PLIN4: variants seen among roughly 807,000 people sequenced by gnomAD.
The protein encoded by PLIN4 is perilipin-4.
Under a neutral mutation model 52.4 loss-of-function variants are expected in PLIN4, and 57 were observed. The observed-to-expected ratio is 1.09, with a 90% CI of 0.88 to 1.36. PLIN4 has a LOEUF of 1.36. PLIN4 is among the 40% of genes most tolerant of loss of function. The probability of loss-of-function intolerance (pLI) is 0.00; values close to 1 mark genes in which losing one functional copy is unlikely to be tolerated. For missense variants in PLIN4, 1,757 were observed against 1,770.3 expected (o/e 0.99, Z 0.13); for synonymous variants, 826 against 785.4 (o/e 1.05, Z -0.86).
Position 4,510,953 on chromosome 19 carries a change from C to G in PLIN4, c.3007G>C (p.Gly1003Arg), listed in dbSNP as rs754278167. The G allele has an allele frequency of 1.2e-6, 2 of 1,613,322 alleles. No homozygotes were observed. Among genetic ancestry groups the G allele is most frequent in the East Asian group, 4.5e-5 (2 of 44,852 alleles). Residue 1003 changes from glycine to arginine, a missense_variant, in exon 5 of 8, where the codon GGT becomes CGT. Coordinates refer to ENST00000301286, the MANE Select transcript of PLIN4 (RefSeq NM_001367868.2). ...GCCCCTTTGGCCATGCTCATGGCAC[C>G]GGTAACCCCACTGAAGACAGTGTCC... ...TKDTVFSGVT[G>R]AMSMAKGAVQ... is the part of the protein sequence containing the mutation.
intron 6 of PLIN4, among the ~76,000 whole-genome samples, chr19:4,506,197 G>T (rs1976087401): frequency 6.6e-6 from 1 of 152,134 alleles, no homozygotes; most frequent in African/African-American, 2.4e-5. Context: ...CAACTCCCTT[G>T]GGGTCGAAGC....
At position 4,513,604 on chromosome 19, in the gene PLIN4, C is replaced by T. The variant is rs1976503382; in HGVS notation, c.356G>A (p.Gly119Glu). Residue 119 changes from glycine to glutamate, a missense_variant, in exon 5 of 8, where the codon GGA (glycine) becomes GAA (glutamate). Physicochemically the swap from Gly to Glu is moderately conservative, Grantham distance 98. Transcript: ENST00000301286. ...GGTGTCCAGGCCTCCCTGGACCACTCCCTTAGCCACGTCCACCACGCTGGC... is the reference window on the plus strand; with the variant it reads ...GGTGTCCAGGCCTCCCTGGACCACTTCCTTAGCCACGTCCACCACGCTGGC... ...GVASVVDVAK[G>E]VVQGGLDTTR... 3 of 1,606,324 alleles carry T rather than the reference C, an allele frequency of 1.9e-6. No homozygotes were observed. The South Asian group carries it at 3.3e-5, about 18-fold the overall frequency.
chr19:4,503,507 G>A lies in PLIN4; in HGVS notation c.*952C>T, dbSNP rs1975990438. On this transcript the variant is annotated 3_prime_UTR_variant, in exon 8 of 8. Transcript: ENST00000301286. ...GTGGGCCTGAGGACCCAGGGGGAGT[G>A]TGCGGCGGAGGAAGGGCTGTGCCAT... 2 of 152,564 alleles carry A rather than the reference G, an allele frequency of 1.3e-5. No individual in the cohort carries two copies. The highest frequency in any genetic ancestry group is 1.3e-4 in the Admixed American group (2 of 15,290). The allele number at this position is 152,564 out of a possible 1,614,324, so 9.5% of individuals were successfully genotyped here. A position where few individuals can be genotyped will look rare whatever the true frequency, so the allele number is the denominator to read the frequency against.
At chr19:4,506,526 C>T (rs1331728450) in intron 6 of PLIN4, among the ~76,000 whole-genome samples, 3 of 152,130 alleles carry the variant, frequency 2.0e-5, no homozygotes, top group Non-Finnish European at 4.4e-5. Context: ...AACCATGGCG[C>T]CCCCCACCCC....
In PLIN4 at chr19:4,511,928, CCA is replaced by C. The variant is rs1167944661; in HGVS notation, c.2030_2031del (p.Val677GlyfsTer86). 2 of 1,598,442 alleles carry C rather than the reference CCA, an allele frequency of 1.3e-6. No individual in the cohort carries two copies. Among genetic ancestry groups the C allele is most frequent in the Non-Finnish European group, 1.7e-6 (2 of 1,169,358 alleles). ...ACACCTGTCTGGGCAGCCCCTTTGG[CCA>C]CATTCACAGCACTGGTCACCCCACT... Reference protein sequence around the residue: ...FGSGVTSAVNVAKGAAQTGVD... With the variant: ...FGSGVTSAVNXAKGAAQTGVD... On this transcript the variant is annotated frameshift_variant, in exon 5 of 8. Transcript: ENST00000301286. LOFTEE classifies it high-confidence loss of function.
chr19:4,508,044 C>T (rs1420966358), intron 6 of PLIN4, among the ~76,000 whole-genome samples: 2 of 152,148 alleles, frequency 1.3e-5, no homozygotes, highest in Non-Finnish European at 2.9e-5. Flanking sequence ...TCCCTGGATC[C>T]CATCCTGGCT....
At chr19:4,517,743 G>T in intron 2 of PLIN4, 45 bp from the exon 3 acceptor site, 1 of 1,545,280 alleles carries the variant, frequency 6.5e-7, no homozygotes, top group South Asian at 1.2e-5. Context: ...GCCAAGCCTC[G>T]GCAGGAACGG....
chr19:4,508,533 C>CT (rs1182620553), intron 6 of PLIN4, among the ~76,000 whole-genome samples: 17 of 152,216 alleles, frequency 1.1e-4, no homozygotes, highest in African/African-American at 3.9e-4. Context: ...TCCCAAATTG[C>CT]TGGGGTTACA....
chr19:4,517,552 A>T lies in PLIN4; in HGVS notation c.196+2T>A, dbSNP rs1171769793. ...ACGCCCCCAGCTGGGCCAGCCACTC[A>T]CCCTGAGCCTGTGGTTGGGCAGCCT... On this transcript the variant is annotated splice_donor_variant, in intron 3 of 7. Coordinates refer to ENST00000301286, the MANE Select transcript of PLIN4 (RefSeq NM_001367868.2). LOFTEE classifies it high-confidence loss of function. The T allele has an allele frequency of 1.2e-6, 2 of 1,604,286 alleles. No individual in the cohort carries two copies. Among genetic ancestry groups the T allele is most frequent in the African/African-American group, 2.7e-5 (2 of 74,686 alleles).
chr19:4,509,689 C>G (rs1271017320), intron 5 of PLIN4, among the ~76,000 whole-genome samples: 1 of 152,050 alleles, frequency 6.6e-6, no homozygotes, highest in East Asian at 1.9e-4. Flanking sequence ...CCTGTAATCC[C>G]AGCACTTTGG....
rs780626672 is a variant in PLIN4 at position 4,510,769 on chromosome 19, C to T, written c.3191G>A (p.Trp1064Ter). The change falls in exon 5 of 8, where the codon TGG (tryptophan) becomes TAG (stop). Residue 1064 changes from tryptophan to a stop codon, truncating the protein, a stop_gained. Coordinates refer to ENST00000301286, the MANE Select transcript of PLIN4 (RefSeq NM_001367868.2). LOFTEE classifies it high-confidence loss of function. ...GGTCCTGGAACTGGTGAGTCCACCCCAGGAGGTGGCGGGGGTACTAGGTAA... is the reference window on the plus strand; with the variant it reads ...GGTCCTGGAACTGGTGAGTCCACCCTAGGAGGTGGCGGGGGTACTAGGTAA... ...NWLPSTPATS[W>*]GGLTSSRTTD... 8.9e-6 allele frequency: 14 copies of T among 1,576,302 alleles called. No individual in the cohort carries two copies. The highest frequency in any genetic ancestry group is 1.7e-4 in the Middle Eastern group (1 of 5,846).
chr19:4,517,597 G>A lies in PLIN4; in HGVS notation c.153C>T (p.Pro51=), dbSNP rs1348457136. Residue 51 remains proline (P), a synonymous_variant, in exon 3 of 8, where the codon CCC becomes CCT. Coordinates refer to ENST00000301286, the MANE Select transcript of PLIN4 (RefSeq NM_001367868.2). ...CAGCCTCGGCAGCAGGCGCTCCTGT[G>A]GGGTCAGCGGCCGGCCGGGCTCTCG... is the stretch of plus-strand genomic sequence containing the variant. ...SSARARPAAD[P]TGAPAAEAAQ... 2 of 1,611,002 alleles carry A rather than the reference G, an allele frequency of 1.2e-6. No individual in the cohort carries two copies. The highest frequency in any genetic ancestry group is 2.2e-5 in the East Asian group (1 of 44,866).
chr19:4,509,651 C>G (rs974922195), intron 5 of PLIN4, among the ~76,000 whole-genome samples: 2 of 151,420 alleles, frequency 1.3e-5, no homozygotes, highest in African/African-American at 4.9e-5. Context: ...AAATAAAAGT[C>G]AAATGAAGCT....
Position 4,504,898 on chromosome 19 carries a change from C to T in PLIN4, c.3752G>A (p.Gly1251Asp). ...APEGQPRLDQ[G>D]SGASAEDAAV... ...AGCGTCCTCCGCACTGGCACCTGAGCCCTGGTCCAGACGTGGCTGCCCTTC... is the reference window on the plus strand; with the variant it reads ...AGCGTCCTCCGCACTGGCACCTGAGTCCTGGTCCAGACGTGGCTGCCCTTC... Residue 1251 changes from glycine (G) to aspartate (D), a missense_variant, in exon 7 of 8, where the codon GGC (glycine) becomes GAC (aspartate). Gly to Asp is a moderately conservative substitution (Grantham distance 94, BLOSUM62 -1). This residue lies in a region of PLIN4 where 712 missense variants were observed against 637.1 expected (regional missense o/e 1.12). Transcript: ENST00000301286. The T allele has an allele frequency of 1.9e-6, 3 of 1,608,214 alleles. No homozygotes were observed. In the South Asian group the frequency reaches 3.3e-5, roughly 18 times the overall value.
At position 4,504,875 on chromosome 19, in the gene PLIN4, C is replaced by T. The variant is rs780897971; in HGVS notation, c.3775G>A (p.Ala1259Thr). 1.6e-5 allele frequency: 25 copies of T among 1,606,440 alleles called. No homozygotes were observed. The highest frequency in any genetic ancestry group is 4.5e-5 in the South Asian group (4 of 89,650). The change falls in exon 7 of 8, where the codon GCT (alanine) becomes ACT (threonine). Residue 1259 changes from alanine to threonine, a missense_variant. Around this residue, in one of 7 missense-constraint regions of PLIN4, gnomAD observed 712 missense variants for 637.1 expected, o/e 1.12. Transcript: ENST00000301286. ...DQGSGASAED[A>T]AVQEERDAGV... ...GCCAGACCCACCTCCTGGACAGCAG[C>T]GTCCTCCGCACTGGCACCTGAGCCC...
At chr19:4,509,556 G>A (rs890660567) in intron 5 of PLIN4, among the ~76,000 whole-genome samples, 3 of 152,058 alleles carry the variant, frequency 2.0e-5, no homozygotes, top group South Asian at 2.1e-4. Flanking sequence ...CCCAGGAAGT[G>A]TGGAGGTTGC....
rs948266544 is a variant in PLIN4 at position 4,502,433 on chromosome 19, A to G, written c.*2026T>C. On this transcript the variant is annotated 3_prime_UTR_variant, in exon 8 of 8. Transcript: ENST00000301286. ...TCCCAGGAGACAAGAGGGACAAACC[A>G]GGGCATCTAAGCTGTGCTGCCTGCG... 15 of 333,760 alleles carry G rather than the reference A, an allele frequency of 4.5e-5. No individual in the cohort carries two copies. The highest frequency in any genetic ancestry group is 3.7e-4 in the South Asian group (15 of 40,534). 20.7% of individuals were successfully genotyped at this position (333,760 alleles called of 1,614,324 possible).
intron 6 of PLIN4, 56 bp from the exon 7 acceptor site, chr19:4,505,003 A>T: frequency 6.8e-7 from 1 of 1,475,644 alleles, no homozygotes; most frequent in Non-Finnish European, 9.2e-7. Context: ...ACCTTTCACA[A>T]CCCCCACCTC....
At position 4,513,562 on chromosome 19, in the gene PLIN4, G is replaced by GT. The variant is rs147840123; in HGVS notation, c.397dup (p.Thr133AsnfsTer19). ...GCTGGACACCACCTCCTTGGTGCCC[G>GT]TAAGTGCAGACCGAGTGGTGTCCAG... On this transcript the variant is annotated frameshift_variant, in exon 5 of 8. Coordinates refer to ENST00000301286, the MANE Select transcript of PLIN4 (RefSeq NM_001367868.2). LOFTEE classifies it high-confidence loss of function. The GT allele has an allele frequency of 6.2e-7, 1 of 1,606,586 alleles. No homozygotes were observed. Among genetic ancestry groups the GT allele is most frequent in the African/African-American group, 1.3e-5 (1 of 74,788 alleles).
Sources: gnomAD v4.1 joint callset for allele counts (sites outside exome capture counted in the v4.1 genomes callset) on GRCh38, gnomAD v4.1.1 for gene constraint, gnomAD v4.1.1 regional missense constraint, MANE v1.5 for transcripts, NCBI Gene and HGNC (gene_info 2026-07-23, HGNC 2026-07-21) for gene names.